SERPINB7: variants seen among roughly 807,000 people sequenced by gnomAD.
SERPINB7 encodes serpin B7.
SERPINB7 carries 31 observed loss-of-function variants against 37.4 expected under a neutral mutation model. That is an observed-to-expected ratio of 0.83 (90% CI 0.62 to 1.12). The LOEUF is 1.12. Ranked by LOEUF, SERPINB7 falls within the 50% of genes most tolerant of loss-of-function variation. SERPINB7 has a pLI of 0.00. For missense variants in SERPINB7, 521 were observed against 455.3 expected, an observed-to-expected ratio of 1.14 and a Z score of -1.31; for synonymous variants, 163 against 166.1, an observed-to-expected ratio of 0.98 and a Z score of 0.14.
rs115177911 is a variant in SERPINB7, at chr18:63,787,596, A to G, written c.169-4797A>G. Among the ~76,000 whole-genome samples the G allele has an allele frequency of 8.1e-4, 124 of 152,310 alleles. 1 individual carries two copies. Among genetic ancestry groups the G allele is most frequent in the African/African-American group, 3.0e-3 (123 of 41,574 alleles). On this transcript the variant is annotated intron_variant, in intron 2 of 7. Coordinates refer to ENST00000398019, the MANE Select transcript of SERPINB7 (RefSeq NM_003784.4). ...GAATCACTTTAACATGGTATTTTAT[A>G]TTTTTGTTCCATGCACATATTCCTA...
At chr18:63,782,678 C>T (rs2049313345) in intron 2 of SERPINB7, 138 bp downstream of exon 2, 3 of 779,182 alleles carry the variant, frequency 3.9e-6, no homozygotes. Context: ...CCACGAGGCC[C>T]TCTTTGGGTG....
intron 2 of SERPINB7, among the ~76,000 whole-genome samples, chr18:63,784,997 G>A (rs542853143): frequency 5.3e-5 from 8 of 152,282 alleles, no homozygotes; most frequent in Non-Finnish European, 8.8e-5. Flanking sequence ...TGAGAGAGCT[G>A]CTGTTCTGCT....
chr18:63,758,330 C>G (rs2049133400), intron 1 of SERPINB7, among the ~76,000 whole-genome samples: 1 of 152,160 alleles, frequency 6.6e-6, no homozygotes, highest in South Asian at 2.1e-4. Flanking sequence ...TCTTTTTCCT[C>G]AGATGCTTGT....
At chr18:63,768,692 A>G (rs1344367163) in intron 1 of SERPINB7, among the ~76,000 whole-genome samples, 2 of 152,076 alleles carry the variant, frequency 1.3e-5, no homozygotes, top group African/African-American at 4.8e-5. Context: ...ATGTAATTCA[A>G]TGAGCTCTGA....
chr18:63,784,286 G>A (rs1614346), intron 2 of SERPINB7, among the ~76,000 whole-genome samples: 8 of 152,000 alleles, frequency 5.3e-5, no homozygotes, highest in African/African-American at 1.9e-4. Context: ...TCTTTGTTGT[G>A]AGGGGCTGTC....
upstream of SERPINB7, among the ~76,000 whole-genome samples, chr18:63,774,403 G>A (rs115859448): frequency 2.3e-3 from 354 of 152,188 alleles, 2 homozygotes; most frequent in African/African-American, 7.7e-3. Flanking sequence ...CTGTACTTTT[G>A]AAAACACTCA....
rs531903824 is a variant in SERPINB7, at chr18:63,793,205, T to C, written c.264T>C (p.Asn88=). The C allele has an allele frequency of 7.5e-6, 12 of 1,606,488 alleles. No homozygotes were observed. In the South Asian group the frequency reaches 1.1e-4, roughly 15 times the overall value. Residue 88 remains asparagine, a synonymous_variant, in exon 4 of 8, where the codon AAT becomes AAC. Transcript: ENST00000398019. ...TGAAAAGAGTTTTTTCTGATATAAA[T>C]GCATCCCACAAGGATTATGATCTCA... ...SQLKRVFSDI[N]ASHKDYDLSI...
intron 2 of SERPINB7, 59 bp downstream of exon 2, chr18:63,782,599 T>A: frequency 6.7e-7 from 1 of 1,483,522 alleles, no homozygotes; most frequent in South Asian, 1.3e-5. Context: ...ACGAGAACAT[T>A]TCGTTGCAAT....
chr18:63,780,652 C>A (rs2049292549), intron 1 of SERPINB7, among the ~76,000 whole-genome samples: 1 of 152,104 alleles, frequency 6.6e-6, no homozygotes, highest in Non-Finnish European at 1.5e-5. Context: ...TTCTGGGTAA[C>A]TTTTGAAAGA....
At chr18:63,801,612 TG>T in intron 7 of SERPINB7, among the ~76,000 whole-genome samples, 1 of 152,176 alleles carries the variant, frequency 6.6e-6, no homozygotes, top group Admixed American at 6.5e-5. Flanking sequence ...GATAGTTTGG[TG>T]GGCAGCGGTC....
chr18:63,777,906 AC>A (rs1360450768), intron 1 of SERPINB7: 16 of 150,242 alleles, frequency 1.1e-4, no homozygotes, highest in African/African-American at 3.8e-4. Context: ...ACACACACAC[AC>A]ACACACACAC....
At chr18:63,763,640 A>G (rs1371916910) in intron 1 of SERPINB7, among the ~76,000 whole-genome samples, 1 of 152,222 alleles carries the variant, frequency 6.6e-6, no homozygotes, top group African/African-American at 2.4e-5. Context: ...GGAAATATGA[A>G]GCACTTACAA....
chr18:63,782,051 G>A (rs2049305735), intron 1 of SERPINB7, among the ~76,000 whole-genome samples: 1 of 152,110 alleles, frequency 6.6e-6, no homozygotes, highest in Non-Finnish European at 1.5e-5. Flanking sequence ...TTTCAGTTCA[G>A]AAATCTGGGG....
chr18:63,762,878 A>G (rs1228164373), intron 1 of SERPINB7, among the ~76,000 whole-genome samples: 1 of 152,204 alleles, frequency 6.6e-6, no homozygotes, highest in Non-Finnish European at 1.5e-5. Context: ...TATAAATATA[A>G]CAAGATAATA....
intron 1 of SERPINB7, among the ~76,000 whole-genome samples, chr18:63,781,689 G>A (rs1167319304): frequency 6.6e-6 from 1 of 151,996 alleles, no homozygotes; most frequent in African/African-American, 2.4e-5. Flanking sequence ...CTGCACCCTG[G>A]GTTCTCTAGG....
upstream of SERPINB7, among the ~76,000 whole-genome samples, chr18:63,772,582 A>G (rs1241420221): frequency 6.6e-6 from 1 of 152,134 alleles, no homozygotes; most frequent in African/African-American, 2.4e-5. Context: ...AATGGGACCA[A>G]TTACTGCATT....
At chr18:63,795,111 T>A (rs2689396) in intron 4 of SERPINB7, among the ~76,000 whole-genome samples, 2 of 152,130 alleles carry the variant, frequency 1.3e-5, no homozygotes, top group South Asian at 2.1e-4. Context: ...AGGCAATGTG[T>A]TAGGTACTGG....
intron 1 of SERPINB7, 45 bp from the exon 2 acceptor site, chr18:63,782,310 A>C (rs1363958731): frequency 8.5e-7 from 1 of 1,169,622 alleles, no homozygotes; most frequent in Non-Finnish European, 1.1e-6. Context: ...TAATATTCCT[A>C]GAAAATGTAC....
intron 1 of SERPINB7, among the ~76,000 whole-genome samples, chr18:63,753,812 T>C (rs2049105620): frequency 6.6e-6 from 1 of 152,232 alleles, no homozygotes; most frequent in Non-Finnish European, 1.5e-5. Flanking sequence ...GAGGCACTTT[T>C]GAGTACTTGA....
Sources: allele counts gnomAD v4.1 joint callset (sites outside exome capture counted in the v4.1 genomes callset), GRCh38; gene constraint gnomAD v4.1.1; transcripts MANE v1.5; gene names NCBI Gene and HGNC (gene_info 2026-07-23, HGNC 2026-07-21).